Variants in LARGE1 observed in about 807,000 individuals in gnomAD.
LARGE1 encodes xylosyl- and glucuronyltransferase LARGE1.
LARGE1 carries 43 observed loss-of-function variants against 87.6 expected under a neutral mutation model. The observed-to-expected ratio is 0.49, with a 90% CI of 0.38 to 0.63. The LOEUF is 0.63. LARGE1 is among the 30% of genes least tolerant of loss of function. The probability of loss-of-function intolerance (pLI) is 0.00; values close to 1 mark genes in which losing one functional copy is unlikely to be tolerated. For synonymous variants in LARGE1, 434 were observed against 394.6 expected (o/e 1.10, Z -1.18); for missense variants, 802 against 1,000.2 (o/e 0.80, Z 2.67).
intron 2 of LARGE1, among the ~76,000 whole-genome samples, chr22:33,731,464 T>G (rs2083466003): frequency 6.6e-6 from 1 of 152,164 alleles, no homozygotes; most frequent in Admixed American, 6.5e-5. Context: ...GTTGTATTCG[T>G]CAGAGCTGTA....
chr22:33,502,779 G>A (rs927374764), intron 6 of LARGE1, among the ~76,000 whole-genome samples: 1 of 152,154 alleles, frequency 6.6e-6, no homozygotes, highest in African/African-American at 2.4e-5. Flanking sequence ...ACGTTGGCCA[G>A]GATGGTCTCG....
intron 2 of LARGE1, among the ~76,000 whole-genome samples, chr22:33,731,880 AAAAAC>A (rs955793407): frequency 1.2e-4 from 18 of 152,356 alleles, no homozygotes; most frequent in African/African-American, 3.8e-4. Flanking sequence ...AAGTCGTTTT[AAAAAC>A]AAACAAGGCA....
At chr22:33,468,016 G>A (rs183398886) in intron 6 of LARGE1, among the ~76,000 whole-genome samples, 39 of 152,246 alleles carry the variant, frequency 2.6e-4, no homozygotes, top group Admixed American at 1.9e-3. Context: ...GGCAGAAGAC[G>A]AGCAATCTGA....
chr22:33,260,772 G>A (rs1020173890), intron 11 of LARGE1, among the ~76,000 whole-genome samples: 41 of 152,120 alleles, frequency 2.7e-4, no homozygotes, highest in African/African-American at 9.4e-4. Context: ...TCCTTTATTT[G>A]TTAACCTCCA....
At chr22:33,643,223 G>A (rs975416902) in intron 3 of LARGE1, among the ~76,000 whole-genome samples, 1 of 150,574 alleles carries the variant, frequency 6.6e-6, no homozygotes, top group African/African-American at 2.5e-5. Context: ...AATCAAATTA[G>A]AGCTCAGGAT....
At chr22:33,718,609 C>A (rs775064267) in intron 2 of LARGE1, among the ~76,000 whole-genome samples, 16 of 152,200 alleles carry the variant, frequency 1.1e-4, no homozygotes, top group Non-Finnish European at 2.1e-4. Flanking sequence ...CCATCCTGAT[C>A]CACAGTTATT....
intron 6 of LARGE1, among the ~76,000 whole-genome samples, chr22:33,472,632 A>G (rs1275557217): frequency 6.6e-6 from 1 of 152,182 alleles, no homozygotes; most frequent in Non-Finnish European, 1.5e-5. Flanking sequence ...ATGACTTTCA[A>G]ATGTCTCAGC....
intron 11 of LARGE1, among the ~76,000 whole-genome samples, chr22:33,305,377 G>GGT (rs1474867477): frequency 7.9e-6 from 1 of 127,158 alleles, no homozygotes; most frequent in Non-Finnish European, 1.6e-5. Flanking sequence ...AAAAAAAAAA[G>GGT]GTGTGTGTGG....
At chr22:33,687,534 C>T (rs2081980576) in intron 2 of LARGE1, among the ~76,000 whole-genome samples, 1 of 152,124 alleles carries the variant, frequency 6.6e-6, no homozygotes, top group South Asian at 2.1e-4. Flanking sequence ...ACAGGGAGCA[C>T]AGAGTAGGCA....
intron 9 of LARGE1, among the ~76,000 whole-genome samples, chr22:33,351,867 T>C (rs938161447): frequency 6.6e-6 from 1 of 151,662 alleles, no homozygotes; most frequent in Non-Finnish European, 1.5e-5. Context: ...GCCTCCCGAG[T>C]AGCTGGGATT....
chr22:33,566,452 C>A (rs1004844314), intron 5 of LARGE1, among the ~76,000 whole-genome samples: 1 of 152,316 alleles, frequency 6.6e-6, no homozygotes, highest in Admixed American at 6.5e-5. Flanking sequence ...AGCAAGACAT[C>A]AAACTGTGTG....
At chr22:33,785,014 T>C (rs1323630534) in intron 1 of LARGE1, among the ~76,000 whole-genome samples, 1 of 150,718 alleles carries the variant, frequency 6.6e-6, no homozygotes, top group African/African-American at 2.4e-5. Flanking sequence ...TATATGTGTA[T>C]ACATACATAT....
intron 2 of LARGE1, among the ~76,000 whole-genome samples, chr22:33,708,244 T>C (rs994287105): frequency 2.0e-5 from 3 of 151,848 alleles, no homozygotes; most frequent in African/African-American, 7.3e-5. Flanking sequence ...GGAGCTGCTA[T>C]TGGAGGGAGG....
At chr22:33,348,414 T>G (rs1448338587) in intron 9 of LARGE1, among the ~76,000 whole-genome samples, 1 of 152,114 alleles carries the variant, frequency 6.6e-6, no homozygotes, top group Non-Finnish European at 1.5e-5. Context: ...TATTTGAACC[T>G]CTATTTTCCA....
intron 5 of LARGE1, among the ~76,000 whole-genome samples, chr22:33,572,436 C>T (rs766912633): frequency 3.9e-5 from 6 of 152,132 alleles, no homozygotes; most frequent in Non-Finnish European, 7.4e-5. Context: ...CCTGACTCTA[C>T]CACAACCAGC....
At chr22:33,464,291 T>A (rs894311737) in intron 6 of LARGE1, among the ~76,000 whole-genome samples, 1 of 152,164 alleles carries the variant, frequency 6.6e-6, no homozygotes, top group East Asian at 1.9e-4. Context: ...TAGAATACAA[T>A]AAGAAGAGTA....
chr22:33,577,370 C>A (rs557594177), intron 5 of LARGE1, among the ~76,000 whole-genome samples: 1 of 152,152 alleles, frequency 6.6e-6, no homozygotes, highest in Non-Finnish European at 1.5e-5. Context: ...CAAAAGCACA[C>A]GCATACACAT....
At chr22:33,291,463 T>A (rs1160009912) in intron 12 of LARGE1, among the ~76,000 whole-genome samples, 1 of 152,144 alleles carries the variant, frequency 6.6e-6, no homozygotes, top group Non-Finnish European at 1.5e-5. Context: ...GGTGCGTGCT[T>A]AGGTATTGTG....
intron 12 of LARGE1, among the ~76,000 whole-genome samples, chr22:33,284,292 G>T (rs1157338592): frequency 1.3e-5 from 2 of 152,138 alleles, no homozygotes; most frequent in Non-Finnish European, 2.9e-5. Context: ...GCACTTTCAG[G>T]TTCCATTTCA....
Sources: allele counts gnomAD v4.1 joint callset (sites outside exome capture counted in the v4.1 genomes callset), GRCh38; gene constraint gnomAD v4.1.1; transcripts MANE v1.5; gene names NCBI Gene and HGNC (gene_info 2026-07-23, HGNC 2026-07-21).